MYH3: variants seen among roughly 807,000 people sequenced by gnomAD.
MYH3 encodes myosin-3.
A neutral mutation model predicts 238.0 loss-of-function variants in MYH3; 130 were observed. That is an observed-to-expected ratio of 0.55 (90% CI 0.47 to 0.63). The LOEUF (loss-of-function observed/expected upper bound fraction) is 0.63, where lower values mean the gene tolerates loss of function less well. Among genes scored for constraint, MYH3 ranks in the 30% least tolerant of loss-of-function variants. The pLI is 0.00. For missense variants in MYH3, 1,853 were observed against 2,374.9 expected (o/e 0.78, Z 4.57); for synonymous variants, 880 against 924.1 (o/e 0.95, Z 0.86).
chr17:10,675,302 A>T, the MYH3 span: 1 of 152,560 alleles, frequency 6.6e-6, no homozygotes, highest in Admixed American at 6.5e-5. Flanking sequence ...GTCTTCTTTC[A>T]GGCCTTCTCT....
In MYH3 at chr17:10,635,780, G is replaced by A. The variant is rs1251417374; in HGVS notation, c.3930C>T (p.Thr1310=). The A allele has an allele frequency of 6.2e-7, 1 of 1,614,032 alleles. No individual in the cohort carries two copies. The highest frequency in any genetic ancestry group is 2.2e-5 in the East Asian group (1 of 44,884). Residue 1310 remains threonine (T), a synonymous_variant, in exon 29 of 41, where the codon ACC becomes ACT. Coordinates refer to ENST00000583535, the MANE Select transcript of MYH3 (RefSeq NM_002470.4). ...SQLSRSKQAF[T]QQTEELKRQL... ...GCCTCTTGAGCTCTTCTGTTTGCTG[G>A]GTAAAGGCTTGCTTGCTCCTGGAAA...
the MYH3 span, among the ~76,000 whole-genome samples, chr17:10,670,282 T>A: frequency 6.6e-6 from 1 of 152,206 alleles, no homozygotes; most frequent in Non-Finnish European, 1.5e-5. The surrounding 1 kb of genome is among the most constrained non-coding windows in gnomAD (Gnocchi z 7.0). Context: ...CCTGCAGGCA[T>A]CATCAGTGGA....
chr17:10,634,784 G>A lies in MYH3; in HGVS notation c.4356+56C>T. On this transcript the variant is annotated intron_variant, in intron 31 of 40. Coordinates refer to ENST00000583535, the MANE Select transcript of MYH3 (RefSeq NM_002470.4). ...CGGGATGCATTCTCCTCCTTCCACGGCTGCTAGGAATCCCTTACATCATGG... is the reference window on the plus strand; with the variant it reads ...CGGGATGCATTCTCCTCCTTCCACGACTGCTAGGAATCCCTTACATCATGG... The A allele has an allele frequency of 2.5e-6, 4 of 1,606,650 alleles. No homozygotes were observed. In the South Asian group the frequency reaches 4.4e-5, roughly 18 times the overall value.
chr17:10,666,504 A>G, the MYH3 span, among the ~76,000 whole-genome samples: 3 of 146,946 alleles, frequency 2.0e-5, no homozygotes, highest in Non-Finnish European at 4.5e-5. Context: ...CACTTTGGCC[A>G]GCTGAGGTGG....
upstream of MYH3, among the ~76,000 whole-genome samples, chr17:10,659,443 G>C (rs1468781989): frequency 6.6e-6 from 1 of 152,204 alleles, no homozygotes; most frequent in Non-Finnish European, 1.5e-5. Flanking sequence ...TCAGCTGTGA[G>C]ATCTTGGCAG....
chr17:10,647,614 G>A (rs2074334711), intron 8 of MYH3, among the ~76,000 whole-genome samples, 188 bp from the exon 9 acceptor site: 1 of 152,230 alleles, frequency 6.6e-6, no homozygotes, highest in African/African-American at 2.4e-5. Context: ...GCGTGATCTC[G>A]GCTCACTGCA....
chr17:10,647,664 C>T (rs2074335519), intron 8 of MYH3, among the ~76,000 whole-genome samples: 1 of 152,220 alleles, frequency 6.6e-6, no homozygotes, highest in African/African-American at 2.4e-5. Context: ...CCTGCCTCAG[C>T]CTCCTGAGTA....
At chr17:10,643,675 C>T (rs1167041287) in intron 14 of MYH3, among the ~76,000 whole-genome samples, 1 of 152,122 alleles carries the variant, frequency 6.6e-6, no homozygotes, top group Non-Finnish European at 1.5e-5. Flanking sequence ...TGCCCAGCCG[C>T]GGCTATGCAC....
At position 10,654,832 on chromosome 17, in the gene MYH3, A is replaced by G. The variant is rs2074412959; in HGVS notation, c.204+29T>C. 1 of 1,609,258 alleles carries G rather than the reference A, an allele frequency of 6.2e-7. No individual in the cohort carries two copies. Among genetic ancestry groups the G allele is most frequent in the Non-Finnish European group, 8.5e-7 (1 of 1,175,554 alleles). ...AAGCACAAGGACCAGGTGGAGGGCC[A>G]GCAGCCTGTGGAGGGTACAGAGCCT... is the stretch of plus-strand genomic sequence containing the variant. On this transcript the variant is annotated intron_variant, in intron 3 of 40. Coordinates refer to ENST00000583535, the MANE Select transcript of MYH3 (RefSeq NM_002470.4). This position sits in a 1 kb window ranked among gnomAD's most constrained non-coding sequence, Gnocchi z 4.5.
In MYH3 at chr17:10,634,048, T is replaced by G. The variant is rs769009491; in HGVS notation, c.4491A>C (p.Glu1497Asp). The G allele has an allele frequency of 6.2e-7, 1 of 1,614,196 alleles. No individual in the cohort carries two copies. Among genetic ancestry groups the G allele is most frequent in the Non-Finnish European group, 8.5e-7 (1 of 1,180,046 alleles). Reference protein sequence around the residue: ...NAYEEALDQLETVKRENKNLE... With the variant: ...NAYEEALDQLDTVKRENKNLE... The stretch of plus-strand genomic sequence containing the variant: ...AGTTCTTATTTTCCCGTTTCACAGT[T>G]TCAAGTTGATCTAAGGCTTCCTCGT... The change falls in exon 32 of 41, where the codon GAA (glutamate) becomes GAC (aspartate). Residue 1497 changes from glutamate (E) to aspartate (D), a missense_variant. Physicochemically the swap from Glu to Asp is conservative, Grantham distance 45. This residue lies in a region of MYH3 where 1,044 missense variants were observed against 1,192.6 expected (regional missense o/e 0.88). Transcript: ENST00000583535.
chr17:10,651,184 C>CAAAAAAA (rs35638998), intron 5 of MYH3, among the ~76,000 whole-genome samples: 2 of 106,018 alleles, frequency 1.9e-5, no homozygotes, highest in Non-Finnish European at 1.8e-5. Flanking sequence ...GACTCCATCT[C>CAAAAAAA]AAAAAAAAAA....
In MYH3 at chr17:10,655,535, C is replaced by T. The variant is rs1211107861; in HGVS notation, c.-8-463G>A. On this transcript the variant is annotated intron_variant, in intron 2 of 40. Coordinates refer to ENST00000583535, the MANE Select transcript of MYH3 (RefSeq NM_002470.4). Reference sequence around the variant, plus strand: ...AACCATTTCAATCAAGGTGGCTACACGCTCGTATGCGGGAACCTGCCTTTT... The same window carrying T: ...AACCATTTCAATCAAGGTGGCTACATGCTCGTATGCGGGAACCTGCCTTTT... Among the ~76,000 whole-genome samples the T allele has an allele frequency of 2.0e-5, 3 of 152,212 alleles. No individual in the cohort carries two copies. The East Asian group carries it at 5.8e-4, about 29-fold the overall frequency.
intron 3 of MYH3, among the ~76,000 whole-genome samples, 160 bp from the exon 4 acceptor site, chr17:10,652,723 A>G (rs2074390301): frequency 7.0e-6 from 1 of 143,228 alleles, no homozygotes; most frequent in Non-Finnish European, 1.5e-5. Context: ...CCGGGTTCAC[A>G]CCATTCTTCT....
chr17:10,644,979 T>C (rs1459911207), intron 12 of MYH3, among the ~76,000 whole-genome samples: 1 of 151,958 alleles, frequency 6.6e-6, no homozygotes, highest in Non-Finnish European at 1.5e-5. Context: ...ACAATAGCTA[T>C]GGGCATCGGA....
chr17:10,664,162 G>A, the MYH3 span, among the ~76,000 whole-genome samples: 8 of 149,444 alleles, frequency 5.4e-5, no homozygotes, highest in African/African-American at 1.7e-4. Flanking sequence ...AGAAGGTTAT[G>A]TAGAGTCTTA....
Position 10,634,919 on chromosome 17 carries a change from A to C in MYH3, c.4277T>G (p.Val1426Gly), listed in dbSNP as rs764281850. 2 of 1,613,614 alleles carry C rather than the reference A, an allele frequency of 1.2e-6. No individual in the cohort carries two copies. Among genetic ancestry groups the C allele is most frequent in the Non-Finnish European group, 1.7e-6 (2 of 1,179,962 alleles). ...EKTKQRLQGE[V>G]EDLMVDVERA... ...TTCAACATCAACCATCAGATCCTCC[A>C]CCTCTCCTTGCAGCCTCTGCTTGGT... The change falls in exon 31 of 41, where the codon GTG becomes GGG. Residue 1426 changes from valine to glycine, a missense_variant. By Grantham distance (109) the Val-to-Gly change is moderately radical (BLOSUM62 -3). Transcript: ENST00000583535.
the MYH3 span, among the ~76,000 whole-genome samples, chr17:10,670,083 G>A: frequency 3.3e-5 from 5 of 152,194 alleles, no homozygotes; most frequent in Non-Finnish European, 1.5e-5. This position sits in a 1 kb window ranked among gnomAD's most constrained non-coding sequence, Gnocchi z 7.0. Context: ...AGTCCCACGT[G>A]TGACATTCTC....
the MYH3 span, chr17:10,677,910 G>A: frequency 1.3e-5 from 2 of 152,240 alleles, no homozygotes; most frequent in African/African-American, 4.8e-5. Flanking sequence ...GAGGTCGGGA[G>A]TTTGAGACCA....
At chr17:10,666,346 G>A in the MYH3 span, among the ~76,000 whole-genome samples, 1 of 152,166 alleles carries the variant, frequency 6.6e-6, no homozygotes, top group Non-Finnish European at 1.5e-5. Context: ...TTGGCCAGCT[G>A]AGGTGGGAGA....
Sources: gnomAD v4.1 joint callset for allele counts (sites outside exome capture counted in the v4.1 genomes callset) on GRCh38, gnomAD v4.1.1 for gene constraint, gnomAD v4.1.1 regional missense constraint, Gnocchi (gnomAD v3.1) non-coding constraint, MANE v1.5 for transcripts, NCBI Gene and HGNC (gene_info 2026-07-23, HGNC 2026-07-21) for gene names.